GALNTL6: variants seen among roughly 807,000 people sequenced by gnomAD.
GALNTL6 encodes polypeptide N-acetylgalactosaminyltransferase-like 6.
A neutral mutation model predicts 73.7 loss-of-function variants in GALNTL6; 46 were observed. The ratio of observed to expected loss-of-function variants is 0.62; its 90% CI spans 0.49 to 0.80. GALNTL6 has a LOEUF of 0.80. Among genes scored for constraint, GALNTL6 ranks in the 30% least tolerant of loss-of-function variants. The probability of loss-of-function intolerance (pLI) is 0.00; values close to 1 mark genes in which losing one functional copy is unlikely to be tolerated. For missense variants in GALNTL6, 604 were observed against 755.0 expected (o/e 0.80, Z 2.34); for synonymous variants, 259 against 263.7 (o/e 0.98, Z 0.17).
chr4:172,365,995 G>A (rs1471880292), intron 5 of GALNTL6, among the ~76,000 whole-genome samples: 2 of 152,086 alleles, frequency 1.3e-5, no homozygotes, highest in Non-Finnish European at 2.9e-5. Flanking sequence ...AAACCTGATG[G>A]TAGAAGATAT....
intron 5 of GALNTL6, among the ~76,000 whole-genome samples, chr4:172,582,029 G>C (rs1324428650): frequency 6.6e-6 from 1 of 152,172 alleles, no homozygotes; most frequent in African/African-American, 2.4e-5. Context: ...CATAGGTTGA[G>C]GGAGTCTGAT....
intron 8 of GALNTL6, among the ~76,000 whole-genome samples, chr4:172,906,385 G>T (rs761706852): frequency 2.6e-5 from 4 of 152,052 alleles, no homozygotes; most frequent in Non-Finnish European, 4.4e-5. Context: ...AATATAAATG[G>T]CAAACTGACC....
At chr4:172,203,488 A>G (rs1389759712) in intron 2 of GALNTL6, among the ~76,000 whole-genome samples, 2 of 152,210 alleles carry the variant, frequency 1.3e-5, no homozygotes, top group East Asian at 1.9e-4. Flanking sequence ...GTTATAGGGT[A>G]TCAATCTCAT....
chr4:172,459,720 A>T (rs1401381768), intron 5 of GALNTL6, among the ~76,000 whole-genome samples: 1 of 152,216 alleles, frequency 6.6e-6, no homozygotes, highest in African/African-American at 2.4e-5. Flanking sequence ...GAGAGGACTC[A>T]AACAAATGGA....
intron 3 of GALNTL6, among the ~76,000 whole-genome samples, chr4:172,240,933 A>G (rs1375390937): frequency 6.6e-6 from 1 of 152,194 alleles, no homozygotes; most frequent in Non-Finnish European, 1.5e-5. Context: ...TTGAGTTGCC[A>G]GAGTTCTTGT....
At chr4:172,317,108 T>C (rs1045533058) in intron 4 of GALNTL6, among the ~76,000 whole-genome samples, 3 of 152,166 alleles carry the variant, frequency 2.0e-5, no homozygotes, top group Non-Finnish European at 2.9e-5. Context: ...AAGTAGTACA[T>C]ACTTACAAGT....
chr4:172,090,470 CAT>C (rs553596116), intron 2 of GALNTL6, among the ~76,000 whole-genome samples: 4 of 152,220 alleles, frequency 2.6e-5, no homozygotes, highest in African/African-American at 9.6e-5. Context: ...AGCATTTTTT[CAT>C]ATGTTTGTCG....
At chr4:172,557,154 T>C (rs906534723) in intron 5 of GALNTL6, among the ~76,000 whole-genome samples, 5 of 151,988 alleles carry the variant, frequency 3.3e-5, no homozygotes, top group Non-Finnish European at 7.4e-5. Flanking sequence ...ATCTTAGGAG[T>C]TGTAAGGAAA....
chr4:172,387,039 C>T (rs555013365), intron 5 of GALNTL6, among the ~76,000 whole-genome samples: 25 of 152,230 alleles, frequency 1.6e-4, no homozygotes, highest in African/African-American at 5.8e-4. Context: ...GTGTATACTT[C>T]AATCCAGTCA....
intron 7 of GALNTL6, among the ~76,000 whole-genome samples, chr4:172,862,888 A>C (rs1560999540): frequency 6.6e-6 from 1 of 152,170 alleles, no homozygotes; most frequent in Non-Finnish European, 1.5e-5. Context: ...AGGAGGAAAA[A>C]ATGGTTTCCT....
chr4:172,100,070 A>T (rs912284792), intron 2 of GALNTL6, among the ~76,000 whole-genome samples: 1 of 152,156 alleles, frequency 6.6e-6, no homozygotes, highest in Non-Finnish European at 1.5e-5. Context: ...CTAATTTTTT[A>T]TCATCATTTA....
chr4:172,479,209 T>C (rs1237398588), intron 5 of GALNTL6, among the ~76,000 whole-genome samples: 3 of 152,146 alleles, frequency 2.0e-5, no homozygotes, highest in African/African-American at 7.2e-5. Context: ...AAAAGACACC[T>C]GCACTCATGT....
chr4:172,284,792 G>A (rs1323619809), intron 3 of GALNTL6, among the ~76,000 whole-genome samples: 1 of 152,082 alleles, frequency 6.6e-6, no homozygotes, highest in Non-Finnish European at 1.5e-5. Flanking sequence ...AGATCAGCTG[G>A]CTGTGGATAT....
chr4:172,013,248 T>C (rs546017128), intron 2 of GALNTL6, among the ~76,000 whole-genome samples: 23 of 152,146 alleles, frequency 1.5e-4, no homozygotes, highest in Middle Eastern at 3.4e-3. Flanking sequence ...ATAGTCATCC[T>C]AGTGCTATGA....
chr4:172,286,651 G>A (rs1160225505), intron 3 of GALNTL6, among the ~76,000 whole-genome samples: 1 of 152,166 alleles, frequency 6.6e-6, no homozygotes, highest in East Asian at 1.9e-4. Context: ...AGCAGTATTT[G>A]ATAAAGATAA....
intron 7 of GALNTL6, among the ~76,000 whole-genome samples, chr4:172,839,413 C>T (rs1009280467): frequency 2.0e-5 from 3 of 152,192 alleles, no homozygotes; most frequent in Admixed American, 6.5e-5. Context: ...TGCAAGGAAA[C>T]TGACTAATTT....
At chr4:172,966,595 A>T (rs2126394834) in intron 10 of GALNTL6, among the ~76,000 whole-genome samples, 2 of 152,168 alleles carry the variant, frequency 1.3e-5, no homozygotes, top group African/African-American at 4.8e-5. Context: ...GAGTTTCTCC[A>T]TGTTGGCCAG....
chr4:172,388,764 T>G (rs1009887129), intron 5 of GALNTL6, among the ~76,000 whole-genome samples: 26 of 152,046 alleles, frequency 1.7e-4, no homozygotes, highest in Non-Finnish European at 3.2e-4. Flanking sequence ...GGAAATAACT[T>G]GCCTCCTATG....
intron 2 of GALNTL6, among the ~76,000 whole-genome samples, chr4:172,202,167 A>G (rs767322302): frequency 1.3e-5 from 2 of 152,178 alleles, no homozygotes; most frequent in Non-Finnish European, 2.9e-5. Context: ...CTCAAAGCAT[A>G]ATTGTAACGA....
Sources: gnomAD v4.1 joint callset for allele counts (sites outside exome capture counted in the v4.1 genomes callset) on GRCh38, gnomAD v4.1.1 for gene constraint, MANE v1.5 for transcripts, NCBI Gene and HGNC (gene_info 2026-07-23, HGNC 2026-07-21) for gene names.